The following NEGR1 variants were observed in gnomAD, a reference collection of about 807,000 sequenced individuals.
NEGR1 encodes IgLON family member 4.
NEGR1 carries 10 observed loss-of-function variants against 40.9 expected under a neutral mutation model. The ratio of observed to expected loss-of-function variants is 0.24; its 90% CI spans 0.15 to 0.42. NEGR1 has a LOEUF of 0.42. Ranked by LOEUF, NEGR1 falls within the 10% of genes least tolerant of loss-of-function variation. The pLI is 1.00. For synonymous variants in NEGR1, 185 were observed against 166.8 expected, an observed-to-expected ratio of 1.11 and a Z score of -0.84; for missense variants, 352 against 438.9, an observed-to-expected ratio of 0.80 and a Z score of 1.77.
intron 6 of NEGR1, chr1:71,408,981 G>C (rs1216183578): frequency 6.6e-6 from 1 of 152,032 alleles, no homozygotes; most frequent in African/African-American, 2.4e-5. Flanking sequence ...GCAGTGGGAA[G>C]TTTCCTTGAC....
At chr1:71,617,348 G>A (rs1442532803) in intron 4 of NEGR1, among the ~76,000 whole-genome samples, 2 of 152,196 alleles carry the variant, frequency 1.3e-5, no homozygotes, top group East Asian at 3.9e-4. Flanking sequence ...GAGGATTAAC[G>A]AATCACTGTG....
rs140472060 is a variant in NEGR1 at position 71,411,554 on chromosome 1, T to G, written c.941-3984A>C. Among the ~76,000 whole-genome samples the G allele has an allele frequency of 2.2e-3, 329 of 152,292 alleles. 1 individual carries two copies. The highest frequency in any genetic ancestry group is 7.6e-3 in the African/African-American group (314 of 41,566). On this transcript the variant is annotated intron_variant, in intron 6 of 6. Transcript: ENST00000357731. ...ATTTACCTTAAGTAAAATTAGGCAG[T>G]ATAGGTCATGTGATCAGAGATGTAT... is the stretch of plus-strand genomic sequence containing the variant.
intron 1 of NEGR1, among the ~76,000 whole-genome samples, chr1:71,936,695 G>T (rs747781922): frequency 2.6e-5 from 4 of 152,150 alleles, no homozygotes; most frequent in Non-Finnish European, 5.9e-5. Context: ...AAATAAAACT[G>T]GATCCACATG....
chr1:71,606,556 C>G (rs1650082083), intron 5 of NEGR1, among the ~76,000 whole-genome samples: 2 of 152,108 alleles, frequency 1.3e-5, no homozygotes, highest in East Asian at 1.9e-4. Context: ...GCATCAGAAA[C>G]AAGGGAAAGA....
At chr1:72,067,842 A>G (rs1647314657) in intron 1 of NEGR1, among the ~76,000 whole-genome samples, 1 of 152,178 alleles carries the variant, frequency 6.6e-6, no homozygotes, top group African/African-American at 2.4e-5. Context: ...TATACTTCCT[A>G]TCATTACTGA....
At chr1:72,053,855 CT>C (rs146183518) in intron 1 of NEGR1, among the ~76,000 whole-genome samples, 1 of 145,706 alleles carries the variant, frequency 6.9e-6, no homozygotes, top group Non-Finnish European at 1.5e-5. Flanking sequence ...AAAACGAACA[CT>C]TTTTTGTATT....
intron 1 of NEGR1, among the ~76,000 whole-genome samples, chr1:72,280,195 A>C (rs1656195036): frequency 6.6e-6 from 1 of 152,170 alleles, no homozygotes; most frequent in Admixed American, 6.5e-5. Context: ...TGGTCCCCAC[A>C]TATTAGGGAA....
intron 4 of NEGR1, among the ~76,000 whole-genome samples, chr1:71,620,228 G>A (rs1650568465): frequency 6.6e-6 from 1 of 151,974 alleles, no homozygotes; most frequent in East Asian, 1.9e-4. Context: ...TGCCCGTAGA[G>A]CATTAGTGAA....
At chr1:71,438,466 A>AG (rs770511413) in intron 6 of NEGR1, among the ~76,000 whole-genome samples, 1 of 152,164 alleles carries the variant, frequency 6.6e-6, no homozygotes, top group Admixed American at 6.5e-5. Flanking sequence ...AAACAAACAT[A>AG]ATTGCCTTCT....
chr1:71,929,424 C>A (rs1357575875), intron 2 of NEGR1, among the ~76,000 whole-genome samples: 5 of 152,048 alleles, frequency 3.3e-5, no homozygotes, highest in Admixed American at 3.3e-4. Context: ...TTGTCCATTT[C>A]TTTGTGTTTT....
intron 4 of NEGR1, among the ~76,000 whole-genome samples, chr1:71,635,195 T>G (rs186807129): frequency 6.6e-6 from 1 of 152,140 alleles, no homozygotes; most frequent in East Asian, 1.9e-4. Flanking sequence ...ATTGTTCTAA[T>G]CAGGATTTAA....
chr1:71,996,891 C>T (rs1380806421), intron 1 of NEGR1, among the ~76,000 whole-genome samples: 1 of 151,988 alleles, frequency 6.6e-6, no homozygotes, highest in East Asian at 1.9e-4. Flanking sequence ...GTCTGTTTTC[C>T]CTGATTCTCT....
chr1:72,263,754 A>C (rs1293127988), intron 1 of NEGR1, among the ~76,000 whole-genome samples: 1 of 151,422 alleles, frequency 6.6e-6, no homozygotes, highest in Non-Finnish European at 1.5e-5. Flanking sequence ...ACACAAAAAA[A>C]CTCTCTCTTA....
At chr1:71,747,606 G>A (rs1464778910) in intron 3 of NEGR1, among the ~76,000 whole-genome samples, 1 of 151,882 alleles carries the variant, frequency 6.6e-6, no homozygotes, top group Non-Finnish European at 1.5e-5. Context: ...TGTACTTTTT[G>A]TAGAGATGGG....
rs558567425 is a variant in NEGR1, at chr1:71,664,727, GA to G, written c.667+33280del. On this transcript the variant is annotated intron_variant, in intron 4 of 6. Coordinates refer to ENST00000357731, the MANE Select transcript of NEGR1 (RefSeq NM_173808.3). ...TCTCAGTGCTATTTGGCTTCTTTGA[GA>G]AAAAAAAATATATATCTCTTTGGTA... is the stretch of plus-strand genomic sequence containing the variant. Among the ~76,000 whole-genome samples, 772 of 149,388 alleles carry G rather than the reference GA, an allele frequency of 5.2e-3. 9 individuals carry two copies. Among genetic ancestry groups the G allele is most frequent in the African/African-American group, 0.017 (705 of 40,824 alleles).
At chr1:72,077,399 T>C (rs1163522310) in intron 1 of NEGR1, among the ~76,000 whole-genome samples, 1 of 152,116 alleles carries the variant, frequency 6.6e-6, no homozygotes, top group East Asian at 1.9e-4. Flanking sequence ...GCTCCCTTTT[T>C]CTTGTCATAA....
intron 2 of NEGR1, among the ~76,000 whole-genome samples, chr1:71,779,661 G>A (rs540388262): frequency 2.0e-5 from 3 of 151,908 alleles, no homozygotes; most frequent in South Asian, 4.2e-4. Context: ...CCTGCCTCTC[G>A]GGTTGAAGTG....
At chr1:71,711,230 AGCT>A (rs1654072810) in intron 3 of NEGR1, among the ~76,000 whole-genome samples, 1 of 150,442 alleles carries the variant, frequency 6.6e-6, no homozygotes. Flanking sequence ...CTGCAGTCCC[AGCT>A]ACGCGGGAGG....
intron 1 of NEGR1, among the ~76,000 whole-genome samples, chr1:72,017,900 T>C (rs1646725225): frequency 6.6e-6 from 1 of 152,092 alleles, no homozygotes; most frequent in African/African-American, 2.4e-5. Context: ...ACAAAATTAT[T>C]TAAAGAACTT....
Sources: gnomAD v4.1 joint callset for allele counts (sites outside exome capture counted in the v4.1 genomes callset) on GRCh38, gnomAD v4.1.1 for gene constraint, MANE v1.5 for transcripts, NCBI Gene and HGNC (gene_info 2026-07-23, HGNC 2026-07-21) for gene names.